NRXN3: variants seen among roughly 807,000 people sequenced by gnomAD.
The protein encoded by NRXN3 is neurexin 3.
In NRXN3, 32 loss-of-function variants were observed where a neutral mutation model predicts 137.6. That is an observed-to-expected ratio of 0.23 (90% CI 0.18 to 0.31). The LOEUF is 0.31. Among genes scored for constraint, NRXN3 ranks in the 10% least tolerant of loss-of-function variants. The probability of loss-of-function intolerance (pLI) is 1.00; values close to 1 mark genes in which losing one functional copy is unlikely to be tolerated. For synonymous variants in NRXN3, 798 were observed against 784.5 expected, an observed-to-expected ratio of 1.02 and a Z score of -0.29; for missense variants, 1,574 against 2,062.5, an observed-to-expected ratio of 0.76 and a Z score of 4.59.
chr14:79,864,462 A>G lies in NRXN3; in HGVS notation c.*2498A>G, dbSNP rs1487835142. On this transcript the variant is annotated 3_prime_UTR_variant, in exon 21 of 21. Coordinates refer to ENST00000335750, the MANE Select transcript of NRXN3 (RefSeq NM_001330195.2). ...CTTTTATTTTCTTAACATTTGAGAA[A>G]ATCTCGCACTGAAGCTAATTATGTC... is the stretch of plus-strand genomic sequence containing the variant. 1 of 152,654 alleles carries G rather than the reference A, an allele frequency of 6.6e-6. No homozygotes were observed. Among genetic ancestry groups the G allele is most frequent in the Non-Finnish European group, 1.5e-5 (1 of 68,042 alleles). 9.5% of individuals were successfully genotyped at this position (152,654 alleles called of 1,614,324 possible).
chr14:79,807,694 A>G (rs893170016), intron 20 of NRXN3, among the ~76,000 whole-genome samples: 18 of 152,150 alleles, frequency 1.2e-4, no homozygotes, highest in African/African-American at 4.3e-4. Flanking sequence ...AGAGGAGATA[A>G]AGTGAGTGAC....
intron 20 of NRXN3, among the ~76,000 whole-genome samples, chr14:79,835,647 A>T (rs1480576546): frequency 6.6e-6 from 1 of 152,182 alleles, no homozygotes; most frequent in Non-Finnish European, 1.5e-5. Context: ...AGAATTGAAT[A>T]GCTACATCTT....
At position 79,763,248 on chromosome 14, in the gene NRXN3, A is replaced by G. The variant is rs550786969; in HGVS notation, c.4015-41864A>G. On this transcript the variant is annotated intron_variant, in intron 19 of 20. Transcript: ENST00000335750. Reference sequence around the variant, plus strand: ...GTATTCCATGGTGTATACGTGCCACATTTTCTTTATCCAGTCTATCACTGA... The same window carrying G: ...GTATTCCATGGTGTATACGTGCCACGTTTTCTTTATCCAGTCTATCACTGA... 3.4e-4 allele frequency among the ~76,000 whole-genome samples: 52 copies of G among 151,608 alleles called. 3 individuals carry two copies. The highest frequency in any genetic ancestry group is 1.2e-3 in the African/African-American group (51 of 40,954).
At chr14:78,268,509 G>A (rs1314913444) in intron 2 of NRXN3, among the ~76,000 whole-genome samples, 10 of 152,150 alleles carry the variant, frequency 6.6e-5, no homozygotes, top group Admixed American at 5.2e-4. Flanking sequence ...TGGTCTCAGC[G>A]AGCACACACT....
intron 4 of NRXN3, among the ~76,000 whole-genome samples, chr14:78,456,853 C>CTTTCTTTCTT (rs1415027844): frequency 2.3e-5 from 3 of 128,908 alleles, no homozygotes; most frequent in South Asian, 5.1e-4. Flanking sequence ...TTCTTTCTTT[C>CTTTCTTTCTT]TTTTTCTCTT....
At chr14:78,561,668 C>T (rs2096787474) in intron 4 of NRXN3, among the ~76,000 whole-genome samples, 1 of 152,192 alleles carries the variant, frequency 6.6e-6, no homozygotes, top group Non-Finnish European at 1.5e-5. Flanking sequence ...TCCTACTCTA[C>T]CTCGAACACT....
chr14:78,714,374 C>A (rs1249577834), intron 7 of NRXN3, among the ~76,000 whole-genome samples: 1 of 152,212 alleles, frequency 6.6e-6, no homozygotes, highest in Non-Finnish European at 1.5e-5. Flanking sequence ...AATGAGGAAA[C>A]TGAGGCACAG....
intron 1 of NRXN3, among the ~76,000 whole-genome samples, chr14:78,239,328 G>A (rs1286347780): frequency 3.9e-5 from 6 of 152,210 alleles, no homozygotes; most frequent in African/African-American, 7.2e-5. Context: ...ATGCCCTGGA[G>A]GGTGAGATTG....
chr14:78,386,304 A>T (rs2089972502), intron 4 of NRXN3, among the ~76,000 whole-genome samples: 1 of 152,226 alleles, frequency 6.6e-6, no homozygotes, highest in African/African-American at 2.4e-5. Context: ...AAATCAATTT[A>T]AAAGTTTGCT....
intron 4 of NRXN3, among the ~76,000 whole-genome samples, chr14:78,405,837 G>T (rs914869850): frequency 6.6e-6 from 1 of 152,174 alleles, no homozygotes; most frequent in East Asian, 1.9e-4. Context: ...CATACTCAGG[G>T]TGTCAAACCC....
intron 16 of NRXN3, among the ~76,000 whole-genome samples, chr14:79,638,427 A>G (rs1200936866): frequency 2.0e-5 from 3 of 152,182 alleles, no homozygotes; most frequent in Non-Finnish European, 4.4e-5. Context: ...AAACTGACAG[A>G]GTGACGTATG....
intron 15 of NRXN3, among the ~76,000 whole-genome samples, chr14:79,341,840 C>T (rs1175560214): frequency 6.6e-6 from 1 of 152,090 alleles, no homozygotes; most frequent in African/African-American, 2.4e-5. Context: ...CCAAGTAAGA[C>T]CCCAAAGGTT....
intron 4 of NRXN3, chr14:78,403,741 G>C: frequency 1.0e-6 from 1 of 985,426 alleles, no homozygotes; most frequent in Non-Finnish European, 1.2e-6. Context: ...AATTGCTCCG[G>C]GAGAGACACA....
chr14:79,510,646 G>T (rs534051425), intron 16 of NRXN3, among the ~76,000 whole-genome samples: 1 of 152,246 alleles, frequency 6.6e-6, no homozygotes, highest in East Asian at 1.9e-4. Context: ...ACCCAGGAGG[G>T]TAGATTTAGA....
At chr14:78,783,254 T>G (rs2098776390) in intron 8 of NRXN3, among the ~76,000 whole-genome samples, 2 of 152,142 alleles carry the variant, frequency 1.3e-5, no homozygotes, top group South Asian at 4.1e-4. Context: ...GGACACAATA[T>G]CATTTTTATG....
chr14:78,965,907 C>T (rs1272636236), intron 11 of NRXN3, 118 bp from the exon 12 acceptor site: 1 of 1,181,650 alleles, frequency 8.5e-7, no homozygotes, highest in Non-Finnish European at 1.2e-6. Context: ...TTCTTGAACT[C>T]ACCCAAGAAA....
chr14:78,854,426 G>T (rs1161782284), intron 10 of NRXN3, among the ~76,000 whole-genome samples: 5 of 151,862 alleles, frequency 3.3e-5, no homozygotes. Context: ...TCAATCGATA[G>T]GCAAAAAAAG....
At chr14:78,517,640 G>A (rs1335826345) in intron 4 of NRXN3, among the ~76,000 whole-genome samples, 2 of 152,138 alleles carry the variant, frequency 1.3e-5, no homozygotes, top group Non-Finnish European at 2.9e-5. Context: ...TCAGAGATAG[G>A]TGAAAACCAT....
intron 15 of NRXN3, among the ~76,000 whole-genome samples, chr14:79,338,260 G>A (rs1027125727): frequency 3.7e-4 from 56 of 151,010 alleles, no homozygotes; most frequent in Non-Finnish European, 1.5e-4. Flanking sequence ...TGAAGGAAGA[G>A]TAAGTGTTAG....
Sources: gnomAD v4.1 joint callset for allele counts (sites outside exome capture counted in the v4.1 genomes callset) on GRCh38, gnomAD v4.1.1 for gene constraint, MANE v1.5 for transcripts, NCBI Gene and HGNC (gene_info 2026-07-23, HGNC 2026-07-21) for gene names.